Variants in SMARCA1 observed in about 807,000 individuals in gnomAD.
SMARCA1 encodes SWI/SNF-related matrix-associated actin-dependent regulator of chromatin subfamily A member 1.
SMARCA1 carries 17 observed loss-of-function variants against 93.6 expected under a neutral mutation model. The ratio of observed to expected loss-of-function variants is 0.18; its 90% CI spans 0.12 to 0.27. The LOEUF is 0.27. SMARCA1 is among the 10% of genes least tolerant of loss of function. The pLI is 1.00. For missense variants in SMARCA1, 630 were observed against 819.0 expected (o/e 0.77, Z 2.82); for synonymous variants, 271 against 271.4 (o/e 1.00, Z 0.01).
In SMARCA1 at chrX:129,523,187, T is replaced by G. The variant is rs748904966; in HGVS notation, c.174+10A>C. 11 of 1,209,506 alleles carry G rather than the reference T, an allele frequency of 9.1e-6. No individual in the cohort carries two copies. The South Asian group carries it at 1.1e-4, about 12-fold the overall frequency. On this transcript the variant is annotated intron_variant, in intron 1 of 24. Transcript: ENST00000371121. ...TTTGTCCACCACACACACACCCCCTTCCTATTTACCTCCTTCTTCTTCTCG... is the reference window on the plus strand; with the variant it reads ...TTTGTCCACCACACACACACCCCCTGCCTATTTACCTCCTTCTTCTTCTCG...
At chrX:129,476,474 T>C (rs758208801) in intron 19 of SMARCA1, among the ~76,000 whole-genome samples, 1 of 111,956 alleles carries the variant, frequency 8.9e-6, no homozygotes, top group South Asian at 3.8e-4. Context: ...GCTTCAAAAC[T>C]TGTGGGCCCT....
intron 23 of SMARCA1, among the ~76,000 whole-genome samples, chrX:129,464,030 C>G (rs920517556): frequency 8.9e-6 from 1 of 112,261 alleles, no homozygotes; most frequent in African/African-American, 3.2e-5. Context: ...TCCAACTACT[C>G]TAGCTCCTTC....
intron 12 of SMARCA1, among the ~76,000 whole-genome samples, chrX:129,493,591 G>A (rs1644486136): frequency 9.0e-6 from 1 of 111,356 alleles, no homozygotes; most frequent in African/African-American, 3.3e-5. Flanking sequence ...TGGCGTAGAG[G>A]AAATAGCAAA....
intron 23 of SMARCA1, among the ~76,000 whole-genome samples, chrX:129,460,637 A>G (rs1932792302): frequency 8.9e-6 from 1 of 111,962 alleles, no homozygotes; most frequent in Non-Finnish European, 1.9e-5. Flanking sequence ...ACAATTAAGT[A>G]CTAACATGGA....
At chrX:129,501,626 G>C (rs1934565662) in intron 9 of SMARCA1, among the ~76,000 whole-genome samples, 1 of 100,100 alleles carries the variant, frequency 1.0e-5, no homozygotes, top group African/African-American at 3.8e-5. Context: ...GGGAGGTGGG[G>C]TGGAAGGGGA....
chrX:129,468,962 TGCCC>T, intron 20 of SMARCA1, 57 bp from the exon 21 acceptor site: 1 of 830,167 alleles, frequency 1.2e-6, no homozygotes, highest in Non-Finnish European at 1.7e-6. Context: ...ATCCATTTAT[TGCCC>T]TATTTACTTC....
At chrX:129,452,045 A>G (rs1339959634) in intron 23 of SMARCA1, among the ~76,000 whole-genome samples, 2 of 112,125 alleles carry the variant, frequency 1.8e-5, no homozygotes, top group African/African-American at 6.5e-5. Flanking sequence ...CTAACGCAAC[A>G]TAAGTTATCA....
At chrX:129,448,469 AT>A (rs1269649192) in intron 23 of SMARCA1, 26 bp from the exon 24 acceptor site, 2 of 1,141,326 alleles carry the variant, frequency 1.8e-6, no homozygotes, top group Admixed American at 2.3e-5. Flanking sequence ...AAGATTTTTA[AT>A]TTCTGCAACC....
At chrX:129,508,886 C>G (rs1244237342) in intron 6 of SMARCA1, among the ~76,000 whole-genome samples, 1 of 112,038 alleles carries the variant, frequency 8.9e-6, no homozygotes, top group Middle Eastern at 4.2e-3. Flanking sequence ...TAAGAAGAGG[C>G]TGATTAGTAT....
At chrX:129,504,049 G>A (rs759077994) in intron 9 of SMARCA1, among the ~76,000 whole-genome samples, 44 of 104,976 alleles carry the variant, frequency 4.2e-4, no homozygotes, top group Non-Finnish European at 6.4e-4. Flanking sequence ...AGGCCCAGGC[G>A]GGCAGATTAC....
At position 129,481,180 on chromosome X, in the gene SMARCA1, G is replaced by A. The variant is rs2124246423; in HGVS notation, c.2223C>T (p.Gly741=). The A allele has an allele frequency of 3.4e-6, 4 of 1,168,984 alleles. No homozygotes were observed. In the East Asian group the frequency reaches 1.2e-4, roughly 35 times the overall value. The change falls in exon 18 of 25, where the codon GGC becomes GGT. Residue 741 remains glycine, a synonymous_variant. Transcript: ENST00000371121. ...GEDYREKQKL[G]MVEWIEPPKR... ...TAGGAGGTTCAATCCATTCCACCATGCCAAGCTATACACAACAAACAACAA... is the reference window on the plus strand; with the variant it reads ...TAGGAGGTTCAATCCATTCCACCATACCAAGCTATACACAACAAACAACAA...
intron 19 of SMARCA1, among the ~76,000 whole-genome samples, chrX:129,472,105 G>A (rs1416829055): frequency 8.9e-6 from 1 of 111,911 alleles, no homozygotes; most frequent in African/African-American, 3.2e-5. Flanking sequence ...CAGAGCCTCA[G>A]TGTATCACAG....
chrX:129,447,325 A>G (rs1402306307), intron 24 of SMARCA1, 92 bp from the exon 25 acceptor site: 16 of 977,515 alleles, frequency 1.6e-5, no homozygotes, highest in Non-Finnish European at 2.1e-5. Flanking sequence ...GCATTAAAAA[A>G]AAATTTTAAC....
intron 19 of SMARCA1, among the ~76,000 whole-genome samples, chrX:129,476,970 G>C (rs1027537075): frequency 3.6e-5 from 4 of 111,984 alleles, no homozygotes; most frequent in African/African-American, 1.3e-4. Context: ...ACAAGGTCCA[G>C]AAAGAACAAA....
At chrX:129,517,342 A>T (rs2124349384) in intron 2 of SMARCA1, among the ~76,000 whole-genome samples, 1 of 111,294 alleles carries the variant, frequency 9.0e-6, no homozygotes, top group African/African-American at 3.3e-5. Context: ...TAAAGGAAAA[A>T]ATAAAGACTA....
intron 19 of SMARCA1, among the ~76,000 whole-genome samples, chrX:129,476,087 G>A (rs945574009): frequency 2.7e-5 from 3 of 111,906 alleles, no homozygotes; most frequent in African/African-American, 9.8e-5. Flanking sequence ...CAGATATTCT[G>A]GATTTTTTAT....
At chrX:129,515,439 G>C (rs1399777464) in intron 5 of SMARCA1, among the ~76,000 whole-genome samples, 4 of 110,506 alleles carry the variant, frequency 3.6e-5, no homozygotes, top group Non-Finnish European at 7.6e-5. Context: ...GAGGCAGGAG[G>C]ATCGCTTGAA....
At chrX:129,509,167 C>T (rs1934935028) in intron 6 of SMARCA1, among the ~76,000 whole-genome samples, 2 of 101,684 alleles carry the variant, frequency 2.0e-5, no homozygotes, top group Admixed American at 1.1e-4. Context: ...CAAGCCTTTG[C>T]GACAGAGTGA....
intron 17 of SMARCA1, among the ~76,000 whole-genome samples, chrX:129,481,607 A>T (rs925647272): frequency 2.7e-5 from 3 of 111,922 alleles, no homozygotes; most frequent in African/African-American, 9.8e-5. Flanking sequence ...GCCATCAGAG[A>T]AATGCAAATC....
Sources: allele counts gnomAD v4.1 joint callset (sites outside exome capture counted in the v4.1 genomes callset), GRCh38; gene constraint gnomAD v4.1.1; transcripts MANE v1.5; gene names NCBI Gene and HGNC (gene_info 2026-07-23, HGNC 2026-07-21).